Variants in GRIN2A observed in about 807,000 individuals in gnomAD.
GRIN2A encodes the protein glutamate ionotropic receptor NMDA type subunit 2A, also known as glutamate receptor ionotropic, NMDA 2A.
A neutral mutation model predicts 113.4 loss-of-function variants in GRIN2A; 22 were observed. The observed-to-expected ratio is 0.19, with a 90% CI of 0.14 to 0.28. The LOEUF (loss-of-function observed/expected upper bound fraction) is 0.28, where lower values mean the gene tolerates loss of function less well. GRIN2A is among the 10% of genes least tolerant of loss of function. GRIN2A has a pLI of 1.00. For missense variants in GRIN2A, 1,502 were observed against 1,887.0 expected (o/e 0.80, Z 3.78); for synonymous variants, 827 against 738.4 (o/e 1.12, Z -1.94).
chr16:9,944,167 C>T (rs1448159055), intron 2 of GRIN2A, among the ~76,000 whole-genome samples: 1 of 152,190 alleles, frequency 6.6e-6, no homozygotes, highest in Non-Finnish European at 1.5e-5. Flanking sequence ...CAGAGAGACT[C>T]CTGGGGAATT....
rs76549675 is a variant in GRIN2A at position 9,834,099 on chromosome 16, C to G, written c.1777+6G>C. 3.7e-6 allele frequency: 6 copies of G among 1,612,242 alleles called. No individual in the cohort carries two copies. In the African/African-American group the frequency reaches 5.3e-5, roughly 14 times the overall value. The stretch of plus-strand genomic sequence containing the variant: ...CATTGAATCATGCTCATGAAGGTAC[C>G]CTTACCTTTCCCTTTGGCTAAGTTT... On this transcript the variant is annotated splice_donor_region_variant and intron_variant, in intron 8 of 12. Coordinates refer to ENST00000330684, the MANE Select transcript of GRIN2A (RefSeq NM_001134407.3).
At chr16:10,173,472 A>C (rs1187269242) in intron 2 of GRIN2A, among the ~76,000 whole-genome samples, 1 of 152,246 alleles carries the variant, frequency 6.6e-6, no homozygotes, top group Non-Finnish European at 1.5e-5. Context: ...TAGAGAGAAG[A>C]GAAAAATTGG....
rs2141126230 is a variant in GRIN2A at position 9,763,402 on chromosome 16, C to G, written c.4142G>C (p.Arg1381Thr). The G allele has an allele frequency of 6.2e-7, 1 of 1,614,128 alleles. No individual in the cohort carries two copies. Among genetic ancestry groups the G allele is most frequent in the Non-Finnish European group, 8.5e-7 (1 of 1,180,036 alleles). Reference sequence around the variant, plus strand: ...GTGTTTGTAAGGGTCCGAGGGGCATCTCCCAATAACCAAGCGTTGGTCATC... The same window carrying G: ...GTGTTTGTAAGGGTCCGAGGGGCATGTCCCAATAACCAAGCGTTGGTCATC... ...HRDDQRLVIG[R>T]CPSDPYKHSL... The change falls in exon 13 of 13, where the codon AGA becomes ACA. Residue 1381 changes from arginine to threonine, a missense_variant. Transcript: ENST00000330684.
intron 2 of GRIN2A, among the ~76,000 whole-genome samples, chr16:10,093,392 T>C (rs746123127): frequency 1.3e-5 from 2 of 152,184 alleles, no homozygotes; most frequent in Non-Finnish European, 2.9e-5. Flanking sequence ...CTCCCCATCT[T>C]ACTAGACCAC....
chr16:9,780,943 T>C (rs956513762), intron 11 of GRIN2A, among the ~76,000 whole-genome samples: 1 of 152,130 alleles, frequency 6.6e-6, no homozygotes, highest in African/African-American at 2.4e-5. Flanking sequence ...ATTGTTGGAA[T>C]TGTTTCAAAA....
chr16:9,772,806 T>C (rs1423895663), intron 11 of GRIN2A, among the ~76,000 whole-genome samples: 1 of 150,280 alleles, frequency 6.7e-6, no homozygotes, highest in African/African-American at 2.5e-5. Context: ...CAGTCTGATA[T>C]AAGAAACATC....
intron 2 of GRIN2A, among the ~76,000 whole-genome samples, chr16:9,994,524 T>A (rs2046185818): frequency 6.6e-6 from 1 of 152,042 alleles, no homozygotes; most frequent in Non-Finnish European, 1.5e-5. Flanking sequence ...TTAACCTCTG[T>A]GTGTCAATGA....
chr16:9,957,942 A>G (rs1029422569), intron 2 of GRIN2A, among the ~76,000 whole-genome samples: 1 of 152,182 alleles, frequency 6.6e-6, no homozygotes, highest in Non-Finnish European at 1.5e-5. Flanking sequence ...TTCCCCAAAG[A>G]ACACGGTTGG....
chr16:9,769,251 A>G, intron 11 of GRIN2A, 162 bp from the exon 12 acceptor site: 2 of 640,256 alleles, frequency 3.1e-6, no homozygotes, highest in South Asian at 3.5e-5. Context: ...TTGAGTGAAG[A>G]TAATAATGAT....
intron 2 of GRIN2A, among the ~76,000 whole-genome samples, chr16:10,045,404 T>G (rs1025201923): frequency 3.4e-5 from 4 of 117,550 alleles, no homozygotes; most frequent in Non-Finnish European, 5.2e-5. Flanking sequence ...CTCTCAGGCC[T>G]CTTGCAAATT....
chr16:10,114,336 T>C (rs1596521259), intron 2 of GRIN2A, among the ~76,000 whole-genome samples: 2 of 152,200 alleles, frequency 1.3e-5, no homozygotes, highest in East Asian at 3.9e-4. Flanking sequence ...AAGAGAGAGT[T>C]GAAGAGGTTT....
intron 4 of GRIN2A, among the ~76,000 whole-genome samples, chr16:9,882,530 T>TA (rs771513411): frequency 2.4e-4 from 36 of 152,306 alleles, no homozygotes; most frequent in Admixed American, 2.0e-3. Context: ...CTCATGCCTG[T>TA]AATTCCAGCA....
chr16:9,774,330 T>A (rs1870142908), intron 11 of GRIN2A, among the ~76,000 whole-genome samples: 1 of 152,140 alleles, frequency 6.6e-6, no homozygotes, highest in Non-Finnish European at 1.5e-5. Flanking sequence ...TCCCTTAAGA[T>A]TTTGGGGAGC....
chr16:9,884,410 G>A (rs1037346635), intron 4 of GRIN2A, among the ~76,000 whole-genome samples: 1 of 152,034 alleles, frequency 6.6e-6, no homozygotes, highest in Non-Finnish European at 1.5e-5. Flanking sequence ...TTAGCCAGGA[G>A]TGGCTGCACG....
chr16:10,103,155 A>G (rs1270982766), intron 2 of GRIN2A, among the ~76,000 whole-genome samples: 1 of 151,266 alleles, frequency 6.6e-6, no homozygotes, highest in Non-Finnish European at 1.5e-5. Context: ...CAGCAACAGC[A>G]ACTTTTTTTT....
chr16:10,043,550 C>G (rs985931347), intron 2 of GRIN2A, among the ~76,000 whole-genome samples: 2 of 152,166 alleles, frequency 1.3e-5, no homozygotes, highest in African/African-American at 2.4e-5. Flanking sequence ...GGTATTGTTT[C>G]TCAGTATCCT....
chr16:9,985,191 T>A (rs1422362919), intron 2 of GRIN2A, among the ~76,000 whole-genome samples: 1 of 152,202 alleles, frequency 6.6e-6, no homozygotes, highest in Non-Finnish European at 1.5e-5. Context: ...TTCCTTGTCA[T>A]CAGTAAGAAC....
At chr16:9,866,013 TAG>T (rs2141412099) in intron 4 of GRIN2A, among the ~76,000 whole-genome samples, 1 of 152,270 alleles carries the variant, frequency 6.6e-6, no homozygotes, top group East Asian at 1.9e-4. Flanking sequence ...GTGCTTGCCA[TAG>T]AGAGAGTATG....
At chr16:9,918,753 C>A (rs190636894) in intron 3 of GRIN2A, among the ~76,000 whole-genome samples, 1 of 151,676 alleles carries the variant, frequency 6.6e-6, no homozygotes, top group East Asian at 1.9e-4. Context: ...GGGTATAATA[C>A]ATCAACTAAT....
Sources: allele counts gnomAD v4.1 joint callset (sites outside exome capture counted in the v4.1 genomes callset), GRCh38; gene constraint gnomAD v4.1.1; transcripts MANE v1.5; gene names NCBI Gene and HGNC (gene_info 2026-07-23, HGNC 2026-07-21).